AGAP1: variants seen among roughly 807,000 people sequenced by gnomAD.
AGAP1 encodes the protein arf-GAP with GTPase, ANK repeat and PH domain-containing protein 1.
Under a neutral mutation model 105.3 loss-of-function variants are expected in AGAP1, and 29 were observed. That is an observed-to-expected ratio of 0.28 (90% CI 0.21 to 0.38). The LOEUF is 0.38. Among genes scored for constraint, AGAP1 ranks in the 10% least tolerant of loss-of-function variants. The probability of loss-of-function intolerance (pLI) is 1.00; values close to 1 mark genes in which losing one functional copy is unlikely to be tolerated. For synonymous variants in AGAP1, 509 were observed against 485.9 expected, an observed-to-expected ratio of 1.05 and a Z score of -0.63; for missense variants, 998 against 1,165.1, an observed-to-expected ratio of 0.86 and a Z score of 2.09.
chr2:235,884,429 G>A (rs1242576811), intron 10 of AGAP1, among the ~76,000 whole-genome samples: 3 of 144,170 alleles, frequency 2.1e-5, no homozygotes, highest in Non-Finnish European at 3.0e-5. Flanking sequence ...ATTTTTCACT[G>A]TTGTATTAGG....
At chr2:235,781,554 G>A (rs1956265000) in intron 6 of AGAP1, among the ~76,000 whole-genome samples, 1 of 152,164 alleles carries the variant, frequency 6.6e-6, no homozygotes, top group Admixed American at 6.5e-5. Context: ...CACAAATGAA[G>A]AGTTGGGTCT....
At position 235,751,384 on chromosome 2, in the gene AGAP1, T is replaced by A. The variant is rs180677615; in HGVS notation, c.673+896T>A. 6.6e-6 allele frequency among the ~76,000 whole-genome samples: 1 copy of A among 152,042 alleles called. No individual in the cohort carries two copies. Among genetic ancestry groups the A allele is most frequent in the Admixed American group, 6.5e-5 (1 of 15,294 alleles). ...AAATCCATGGGGGCAGAGCCACCTG[T>A]CCCCCTGCTCTGGTGCCCAGGGGGT... On this transcript the variant is annotated intron_variant, in intron 6 of 17. Coordinates refer to ENST00000304032, the MANE Select transcript of AGAP1 (RefSeq NM_001037131.3). This position sits in a 1 kb window ranked among gnomAD's most constrained non-coding sequence, Gnocchi z 5.3.
At chr2:236,054,789 G>A (rs1158752585) in intron 16 of AGAP1, among the ~76,000 whole-genome samples, 7 of 152,140 alleles carry the variant, frequency 4.6e-5, no homozygotes, top group Non-Finnish European at 7.3e-5. Context: ...CTTTGGAAGC[G>A]GAGGTTATCT....
chr2:235,768,891 CT>C (rs1303524037), intron 6 of AGAP1, among the ~76,000 whole-genome samples: 1 of 152,212 alleles, frequency 6.6e-6, no homozygotes, highest in Non-Finnish European at 1.5e-5. Flanking sequence ...GTTCCCAGAT[CT>C]GTTTCTTACA....
At position 236,089,151 on chromosome 2, in the gene AGAP1, G is replaced by T. The variant is rs868780917; in HGVS notation, c.2115-31041G>T. The stretch of plus-strand genomic sequence containing the variant: ...TCAGACCGCTCACGTGGGTGGCAGC[G>T]TCCAAGTCCAGTTTGTACATTTCTG... On this transcript the variant is annotated intron_variant, in intron 16 of 17. Transcript: ENST00000304032. This position sits in a 1 kb window ranked among gnomAD's most constrained non-coding sequence, Gnocchi z 5.6. Among the ~76,000 whole-genome samples, 15 of 152,258 alleles carry T rather than the reference G, an allele frequency of 9.9e-5. No individual in the cohort carries two copies. In the Middle Eastern group the frequency reaches 0.01, roughly 104 times the overall value.
chr2:235,838,109 C>T (rs1294042853), intron 9 of AGAP1, among the ~76,000 whole-genome samples: 1 of 152,128 alleles, frequency 6.6e-6, no homozygotes, highest in Non-Finnish European at 1.5e-5. Flanking sequence ...TCACGTGAAC[C>T]CAAGAGGCGG....
rs1262801228 is a variant in AGAP1 at position 236,119,009 on chromosome 2, T to C, written c.2115-1183T>C. ...CCTTACTGTTGGTTTCCTCTTCTAT[T>C]TGTTAAGCTTCTCATCTCATCCTGT... On this transcript the variant is annotated intron_variant, in intron 16 of 17. Coordinates refer to ENST00000304032, the MANE Select transcript of AGAP1 (RefSeq NM_001037131.3). This position sits in a 1 kb window ranked among gnomAD's most constrained non-coding sequence, Gnocchi z 6.6. Among the ~76,000 whole-genome samples the C allele has an allele frequency of 6.6e-6, 1 of 152,102 alleles. No homozygotes were observed. Among genetic ancestry groups the C allele is most frequent in the Admixed American group, 6.5e-5 (1 of 15,270 alleles).
intron 1 of AGAP1, among the ~76,000 whole-genome samples, chr2:235,636,517 C>T (rs1947007395): frequency 6.6e-6 from 1 of 152,142 alleles, no homozygotes; most frequent in Non-Finnish European, 1.5e-5. Flanking sequence ...GAGAACTCAT[C>T]CAGAAACCAA....
intron 6 of AGAP1, among the ~76,000 whole-genome samples, chr2:235,770,809 C>T (rs940304267): frequency 2.0e-5 from 3 of 151,968 alleles, no homozygotes; most frequent in Admixed American, 1.3e-4. Flanking sequence ...ACCCCTGTAC[C>T]GAGATGGTGT....
intron 1 of AGAP1, among the ~76,000 whole-genome samples, chr2:235,686,618 T>G (rs1318945093): frequency 1.7e-4 from 14 of 81,852 alleles, no homozygotes; most frequent in African/African-American, 7.3e-4. Context: ...CGTGGAGATA[T>G]AGATATATAT....
intron 2 of AGAP1, among the ~76,000 whole-genome samples, chr2:235,710,242 G>A (rs2149516383): frequency 6.6e-6 from 1 of 152,312 alleles, no homozygotes; most frequent in Non-Finnish European, 1.5e-5. Context: ...CCAGGAGACA[G>A]GATCCTTCCG....
Position 235,577,540 on chromosome 2 carries a change from G to C in AGAP1, c.163+82691G>C, listed in dbSNP as rs1944773966. Among the ~76,000 whole-genome samples, 1 of 152,100 alleles carries C rather than the reference G, an allele frequency of 6.6e-6. No homozygotes were observed. On this transcript the variant is annotated intron_variant, in intron 1 of 17. Transcript: ENST00000304032. This position sits in a 1 kb window ranked among gnomAD's most constrained non-coding sequence, Gnocchi z 4.5. The stretch of plus-strand genomic sequence containing the variant: ...ATGATCGGAAGCTCCTGTGTCCCTG[G>C]TCGCTTGCTGGAGTCGGTGGGAGCT...
intron 14 of AGAP1, chr2:236,037,176 G>A (rs892400854): frequency 6.3e-6 from 1 of 158,748 alleles, no homozygotes; most frequent in African/African-American, 2.4e-5. Flanking sequence ...GAGCGTGCAG[G>A]GAGTTTGGGA....
intron 13 of AGAP1, among the ~76,000 whole-genome samples, chr2:236,008,957 A>G (rs756942188): frequency 6.6e-6 from 1 of 152,216 alleles, no homozygotes; most frequent in Non-Finnish European, 1.5e-5. Flanking sequence ...CAAGAAACTG[A>G]TCACGGCAAA....
Position 236,061,207 on chromosome 2 carries a change from A to G in AGAP1, c.2114+11926A>G, listed in dbSNP as rs886563711. 6.6e-5 allele frequency among the ~76,000 whole-genome samples: 10 copies of G among 152,328 alleles called. No individual in the cohort carries two copies. The East Asian group carries it at 1.3e-3, about 21-fold the overall frequency. ...AAATGCAGATCACCCTTGAGCCCCC[A>G]CCGCACGTGCTCTTGGACGGTCGTG... On this transcript the variant is annotated intron_variant, in intron 16 of 17. Coordinates refer to ENST00000304032, the MANE Select transcript of AGAP1 (RefSeq NM_001037131.3). The surrounding 1 kb of genome is among the most constrained non-coding windows in gnomAD (Gnocchi z 4.1).
At chr2:235,878,219 C>A (rs1283064599) in intron 9 of AGAP1, among the ~76,000 whole-genome samples, 1 of 152,242 alleles carries the variant, frequency 6.6e-6, no homozygotes, top group Non-Finnish European at 1.5e-5. Context: ...GTCACAAACA[C>A]CGCGTGCACG....
Position 236,120,079 on chromosome 2 carries a change from G to T in AGAP1, c.2115-113G>T, listed in dbSNP as rs896127622. 1.1e-5 allele frequency: 16 copies of T among 1,457,830 alleles called. No homozygotes were observed. The highest frequency in any genetic ancestry group is 1.4e-5 in the Non-Finnish European group (15 of 1,080,794). The allele number at this position is 1,457,830 out of a possible 1,614,324, so 90.3% of individuals were successfully genotyped here. The stretch of plus-strand genomic sequence containing the variant: ...GGCTTTGTGCCGAGTGAAGACCTTT[G>T]CTTTCTGTTATTTCACTTCCCTCTC... On this transcript the variant is annotated intron_variant, in intron 16 of 17. Transcript: ENST00000304032. This position sits in a 1 kb window ranked among gnomAD's most constrained non-coding sequence, Gnocchi z 6.0.
chr2:235,817,306 C>T (rs1428844307), intron 9 of AGAP1, among the ~76,000 whole-genome samples: 2 of 151,964 alleles, frequency 1.3e-5, no homozygotes, highest in Non-Finnish European at 2.9e-5. Flanking sequence ...GTTGCCTACT[C>T]CAGAGCCTTT....
intron 1 of AGAP1, among the ~76,000 whole-genome samples, chr2:235,531,095 G>C (rs1003380145): frequency 2.0e-5 from 3 of 152,200 alleles, no homozygotes; most frequent in African/African-American, 4.8e-5. Flanking sequence ...GCACAGATCT[G>C]CTAATGCACG....
Sources: gnomAD v4.1 joint callset for allele counts (sites outside exome capture counted in the v4.1 genomes callset) on GRCh38, gnomAD v4.1.1 for gene constraint, Gnocchi (gnomAD v3.1) non-coding constraint, MANE v1.5 for transcripts, NCBI Gene and HGNC (gene_info 2026-07-23, HGNC 2026-07-21) for gene names.